Variants in PDE4D observed in about 807,000 individuals in gnomAD.
The protein encoded by PDE4D is 3',5'-cyclic-AMP phosphodiesterase 4D.
A neutral mutation model predicts 87.4 loss-of-function variants in PDE4D; 24 were observed. That is an observed-to-expected ratio of 0.27 (90% CI 0.20 to 0.39). PDE4D has a LOEUF of 0.39. PDE4D is among the 10% of genes least tolerant of loss of function. The pLI is 1.00. For synonymous variants in PDE4D, 384 were observed against 383.2 expected (o/e 1.00, Z -0.02); for missense variants, 714 against 1,041.0 (o/e 0.69, Z 4.32).
intron 1 of PDE4D, among the ~76,000 whole-genome samples, chr5:59,729,192 T>C (rs1757027280): frequency 6.6e-6 from 1 of 152,070 alleles, no homozygotes; most frequent in African/African-American, 2.4e-5. Flanking sequence ...ACTCGGTAGA[T>C]TTTACTAATA....
intron 1 of PDE4D, among the ~76,000 whole-genome samples, chr5:59,747,220 CA>C (rs1759741289): frequency 6.6e-6 from 1 of 152,108 alleles, no homozygotes; most frequent in African/African-American, 2.4e-5. Flanking sequence ...ATTCTGACTC[CA>C]AAAATCTTCC....
intron 2 of PDE4D, among the ~76,000 whole-genome samples, chr5:60,007,242 T>G (rs551022304): frequency 6.6e-6 from 1 of 152,134 alleles, no homozygotes; most frequent in South Asian, 2.1e-4. Context: ...AATGATTTGA[T>G]TTGTTATCAT....
intron 1 of PDE4D, among the ~76,000 whole-genome samples, chr5:60,304,669 A>C (rs1031263538): frequency 6.6e-6 from 1 of 150,380 alleles, no homozygotes; most frequent in South Asian, 2.1e-4. Flanking sequence ...AAAAAAAAAA[A>C]AAAAAGAAAT....
At chr5:59,682,662 T>C (rs1749224324) in intron 1 of PDE4D, among the ~76,000 whole-genome samples, 1 of 152,176 alleles carries the variant, frequency 6.6e-6, no homozygotes, top group Non-Finnish European at 1.5e-5. Context: ...CTTTCTGCCA[T>C]GTAAAAACAC....
chr5:59,756,424 T>A (rs754748456), intron 1 of PDE4D, among the ~76,000 whole-genome samples: 3 of 151,864 alleles, frequency 2.0e-5, no homozygotes, highest in Non-Finnish European at 4.4e-5. Flanking sequence ...TTTGACAAAT[T>A]ATTGTGACAG....
intron 1 of PDE4D, among the ~76,000 whole-genome samples, chr5:59,783,437 A>T (rs530179246): frequency 1.3e-5 from 2 of 152,240 alleles, no homozygotes; most frequent in Non-Finnish European, 2.9e-5. Context: ...CTTGAATAAA[A>T]AATGAGCATC....
chr5:59,566,534 ATGTGTGTGTGTGTGTGTGTG>A (rs34584672), intron 1 of PDE4D, among the ~76,000 whole-genome samples: 29 of 140,804 alleles, frequency 2.1e-4, no homozygotes, highest in African/African-American at 2.9e-4. Context: ...TCACAGTTTC[ATGTGTGTGTGTGTGTGTGTG>A]TGTGTGTGTG....
chr5:59,968,840 G>C (rs1760369580), intron 3 of PDE4D, among the ~76,000 whole-genome samples: 1 of 152,044 alleles, frequency 6.6e-6, no homozygotes, highest in Non-Finnish European at 1.5e-5. Flanking sequence ...TCCTGAGTAT[G>C]AAACACAATA....
intron 1 of PDE4D, among the ~76,000 whole-genome samples, chr5:60,314,829 T>C (rs1755400992): frequency 6.6e-6 from 1 of 152,214 alleles, no homozygotes; most frequent in African/African-American, 2.4e-5. Flanking sequence ...TCATTTCTTA[T>C]GGCTGCATAG....
chr5:60,459,618 T>G (rs565350784), intron 1 of PDE4D, among the ~76,000 whole-genome samples: 1 of 152,034 alleles, frequency 6.6e-6, no homozygotes, highest in African/African-American at 2.4e-5. Context: ...TGGTGTTGAT[T>G]CCATACAGTT....
At chr5:59,294,265 C>T in intron 1 of PDE4D, among the ~76,000 whole-genome samples, 1 of 152,054 alleles carries the variant, frequency 6.6e-6, no homozygotes, top group South Asian at 2.1e-4. Context: ...ATTAGTTTAG[C>T]AGGGCCACTG....
At chr5:60,383,860 T>C (rs1005753558) in intron 1 of PDE4D, among the ~76,000 whole-genome samples, 3 of 152,156 alleles carry the variant, frequency 2.0e-5, no homozygotes, top group Non-Finnish European at 4.4e-5. Flanking sequence ...AATTAACTTC[T>C]GAAAAAAAGT....
At chr5:60,252,487 G>T (rs1748589602) in intron 1 of PDE4D, among the ~76,000 whole-genome samples, 1 of 148,708 alleles carries the variant, frequency 6.7e-6, no homozygotes, top group Admixed American at 6.8e-5. Flanking sequence ...AATACCTGAA[G>T]TTCTACAAAA....
At chr5:59,009,345 T>A (rs947781697) in intron 6 of PDE4D, among the ~76,000 whole-genome samples, 12 of 151,860 alleles carry the variant, frequency 7.9e-5, no homozygotes, top group Admixed American at 7.2e-4. Context: ...GGTGAATGGG[T>A]AAACAAATTG....
At chr5:59,039,212 G>T in intron 5 of PDE4D, 1 of 1,293,540 alleles carries the variant, frequency 7.7e-7, no homozygotes, top group East Asian at 3.4e-5. Context: ...TCGGCCTCCA[G>T]GGAGGGCGTG....
chr5:59,632,448 G>C (rs1831695217), intron 1 of PDE4D, among the ~76,000 whole-genome samples: 1 of 152,222 alleles, frequency 6.6e-6, no homozygotes, highest in Non-Finnish European at 1.5e-5. Flanking sequence ...CTCCCGATAG[G>C]GAGATACTCC....
At chr5:59,474,254 T>A (rs1453570802) in intron 1 of PDE4D, among the ~76,000 whole-genome samples, 2 of 152,142 alleles carry the variant, frequency 1.3e-5, no homozygotes, top group Non-Finnish European at 2.9e-5. Flanking sequence ...TATTTTAAGT[T>A]CAGATATATT....
intron 1 of PDE4D, among the ~76,000 whole-genome samples, chr5:59,565,660 G>A (rs903072273): frequency 2.0e-5 from 3 of 152,228 alleles, no homozygotes; most frequent in Non-Finnish European, 4.4e-5. Context: ...GAAAGGCAAA[G>A]CACCTGATGC....
intron 1 of PDE4D, among the ~76,000 whole-genome samples, chr5:59,225,484 C>T (rs1197018987): frequency 6.6e-6 from 1 of 152,108 alleles, no homozygotes; most frequent in Admixed American, 6.6e-5. Context: ...GACTATTCAG[C>T]CTTTTGTGGT....
Sources: gnomAD v4.1 joint callset for allele counts (sites outside exome capture counted in the v4.1 genomes callset) on GRCh38, gnomAD v4.1.1 for gene constraint, MANE v1.5 for transcripts, NCBI Gene and HGNC (gene_info 2026-07-23, HGNC 2026-07-21) for gene names.